The following WWOX variants were observed in gnomAD, a reference collection of about 807,000 sequenced individuals.
The protein encoded by WWOX is WW domain-containing oxidoreductase.
A neutral mutation model predicts 46.2 loss-of-function variants in WWOX; 69 were observed. The observed-to-expected ratio is 1.49, with a 90% CI of 1.23 to 1.82. The LOEUF is 1.82. Among genes scored for constraint, WWOX ranks in the 40% most tolerant of loss-of-function variants. The pLI is 0.00. For missense variants in WWOX, 919 were observed against 542.6 expected, an observed-to-expected ratio of 1.69 and a Z score of -6.89; for synonymous variants, 359 against 202.6, an observed-to-expected ratio of 1.77 and a Z score of -6.56.
chr16:78,887,413 T>G (rs1175577083), intron 8 of WWOX, among the ~76,000 whole-genome samples: 1 of 148,456 alleles, frequency 6.7e-6, no homozygotes, highest in East Asian at 2.0e-4. Context: ...TGTTTGATAT[T>G]TACACAAATT....
In WWOX at chr16:78,362,928, T is replaced by C. The variant is rs1401340011; in HGVS notation, c.517-23932T>C. On this transcript the variant is annotated intron_variant, in intron 5 of 8. Coordinates refer to ENST00000566780, the MANE Select transcript of WWOX (RefSeq NM_016373.4). Reference sequence around the variant, plus strand: ...GTGTCAGAATGTTATCCTGCTCAGATGGTTGCATGGGACAGTGTCCAGAGG... The same window carrying C: ...GTGTCAGAATGTTATCCTGCTCAGACGGTTGCATGGGACAGTGTCCAGAGG... Among the ~76,000 whole-genome samples the C allele has an allele frequency of 2.6e-5, 4 of 152,198 alleles. No homozygotes were observed. The East Asian group carries it at 5.8e-4, about 22-fold the overall frequency.
At chr16:78,474,398 A>T (rs944595882) in intron 8 of WWOX, among the ~76,000 whole-genome samples, 8 of 152,216 alleles carry the variant, frequency 5.3e-5, no homozygotes, top group Admixed American at 1.3e-4. Flanking sequence ...ATCATCACAG[A>T]AGATATTTTG....
chr16:78,659,470 T>C (rs1478654991), intron 8 of WWOX, among the ~76,000 whole-genome samples: 1 of 152,050 alleles, frequency 6.6e-6, no homozygotes, highest in Non-Finnish European at 1.5e-5. Context: ...GGCTCAGCAA[T>C]CTAGTTTTAG....
At chr16:78,537,928 G>GC (rs1276041873) in intron 8 of WWOX, among the ~76,000 whole-genome samples, 1 of 152,112 alleles carries the variant, frequency 6.6e-6, no homozygotes, top group African/African-American at 2.4e-5. Flanking sequence ...TCACCTTACA[G>GC]CAGCCCCGGC....
rs1010023589 is a variant in WWOX at position 78,344,995 on chromosome 16, C to T, written c.517-41865C>T. The stretch of plus-strand genomic sequence containing the variant: ...AAGCTTCCATTTTTCCAGGTGAAAA[C>T]GGGAGTTTAGCCTAGTCCCCACTTG... On this transcript the variant is annotated intron_variant, in intron 5 of 8. Transcript: ENST00000566780. Among the ~76,000 whole-genome samples, 3 of 119,938 alleles carry T rather than the reference C, an allele frequency of 2.5e-5. 1 individual carries two copies. Among genetic ancestry groups the T allele is most frequent in the South Asian group, 5.0e-4 (2 of 4,000 alleles). 78.7% of individuals were successfully genotyped at this position (119,938 alleles called of 152,430 possible). A position where few individuals can be genotyped will look rare whatever the true frequency, so the allele number is the denominator to read the frequency against.
At chr16:79,130,812 A>G (rs972049541) in intron 8 of WWOX, among the ~76,000 whole-genome samples, 2 of 152,186 alleles carry the variant, frequency 1.3e-5, no homozygotes, top group African/African-American at 2.4e-5. Flanking sequence ...GCTCCCCAGC[A>G]GTTCTTTGAG....
chr16:78,618,612 C>T (rs1567440778), intron 8 of WWOX, among the ~76,000 whole-genome samples: 1 of 152,170 alleles, frequency 6.6e-6, no homozygotes, highest in East Asian at 1.9e-4. Flanking sequence ...GTTTGGGCTT[C>T]CACATACAAA....
chr16:78,386,269 C>A (rs1201185519), intron 5 of WWOX, among the ~76,000 whole-genome samples: 2 of 152,152 alleles, frequency 1.3e-5, no homozygotes, highest in Non-Finnish European at 2.9e-5. Context: ...CATTATTATT[C>A]CTATCACCAG....
intron 8 of WWOX, among the ~76,000 whole-genome samples, chr16:79,140,529 T>G (rs567013161): frequency 6.6e-6 from 1 of 152,302 alleles, no homozygotes; most frequent in African/African-American, 2.4e-5. Context: ...CAGAAAACAA[T>G]GCAGCCTCCT....
chr16:78,695,459 G>C (rs16948342), intron 8 of WWOX, among the ~76,000 whole-genome samples: 3,594 of 152,198 alleles, frequency 0.024, 144 homozygotes, highest in African/African-American at 0.083. Context: ...TTTTGGAGCA[G>C]AGAAGCTTGT....
chr16:79,139,334 C>T (rs531241735), intron 8 of WWOX, among the ~76,000 whole-genome samples: 15 of 152,276 alleles, frequency 9.9e-5, no homozygotes, highest in Admixed American at 7.2e-4. Flanking sequence ...GTTGGTGCCC[C>T]GTTGGCATGT....
At chr16:78,156,963 G>T (rs570474008) in intron 4 of WWOX, among the ~76,000 whole-genome samples, 2 of 152,090 alleles carry the variant, frequency 1.3e-5, no homozygotes, top group East Asian at 1.9e-4. Flanking sequence ...TCAAGTTCTG[G>T]AACCTGCCTG....
At chr16:78,783,780 T>C (rs933083362) in intron 8 of WWOX, among the ~76,000 whole-genome samples, 4 of 151,568 alleles carry the variant, frequency 2.6e-5, no homozygotes, top group Non-Finnish European at 5.9e-5. Context: ...ATGCTGATGG[T>C]GGTGATGGTG....
intron 8 of WWOX, among the ~76,000 whole-genome samples, chr16:78,757,177 GATA>G (rs1407687819): frequency 3.3e-5 from 5 of 152,112 alleles, no homozygotes; most frequent in Admixed American, 6.6e-5. Context: ...TCTTGTGCGA[GATA>G]ATAAAAGTTA....
intron 8 of WWOX, among the ~76,000 whole-genome samples, chr16:78,586,029 C>T (rs1039608730): frequency 6.6e-6 from 1 of 151,648 alleles, no homozygotes; most frequent in African/African-American, 2.4e-5. Context: ...AAGATGTCAT[C>T]TCTACCAAAA....
intron 8 of WWOX, among the ~76,000 whole-genome samples, chr16:79,054,360 T>C (rs1030986556): frequency 2.0e-5 from 3 of 152,204 alleles, no homozygotes; most frequent in African/African-American, 7.2e-5. Context: ...TTCAGGAATT[T>C]CAAGCTTTTG....
At chr16:78,680,483 C>A (rs2047703529) in intron 8 of WWOX, among the ~76,000 whole-genome samples, 1 of 152,022 alleles carries the variant, frequency 6.6e-6, no homozygotes, top group African/African-American at 2.4e-5. Flanking sequence ...ATGATCATGC[C>A]ACTTCACTGC....
intron 5 of WWOX, among the ~76,000 whole-genome samples, chr16:78,363,429 A>G (rs1383469109): frequency 3.3e-5 from 4 of 119,846 alleles, no homozygotes; most frequent in South Asian, 3.0e-4. Flanking sequence ...GCACACCACC[A>G]CTTCCAGCTG....
intron 8 of WWOX, among the ~76,000 whole-genome samples, chr16:78,962,973 A>G (rs2046299605): frequency 6.6e-6 from 1 of 152,114 alleles, no homozygotes; most frequent in African/African-American, 2.4e-5. Flanking sequence ...CTTTATTGTC[A>G]TTCTTCTTTC....
Sources: allele counts gnomAD v4.1 joint callset (sites outside exome capture counted in the v4.1 genomes callset), GRCh38; gene constraint gnomAD v4.1.1; transcripts MANE v1.5; gene names NCBI Gene and HGNC (gene_info 2026-07-23, HGNC 2026-07-21).